BCAS3: variants seen among roughly 807,000 people sequenced by gnomAD.
BCAS3 encodes the protein BCAS4/BCAS3 fusion.
In BCAS3, 53 loss-of-function variants were observed where a neutral mutation model predicts 116.1. The observed-to-expected ratio is 0.46, with a 90% CI of 0.37 to 0.57. The LOEUF (loss-of-function observed/expected upper bound fraction) is 0.57, where lower values mean the gene tolerates loss of function less well. Ranked by LOEUF, BCAS3 falls within the 20% of genes least tolerant of loss-of-function variation. The probability of loss-of-function intolerance (pLI) is 0.00; values close to 1 mark genes in which losing one functional copy is unlikely to be tolerated. For synonymous variants in BCAS3, 391 were observed against 408.2 expected (o/e 0.96, Z 0.51); for missense variants, 917 against 1,165.4 (o/e 0.79, Z 3.10).
intron 10 of BCAS3, among the ~76,000 whole-genome samples, chr17:60,896,000 CTATA>C (rs1291800313): frequency 1.3e-5 from 2 of 152,168 alleles, no homozygotes; most frequent in Non-Finnish European, 2.9e-5. Flanking sequence ...ATAGAATGCT[CTATA>C]AGAGTCTATT....
At chr17:60,859,914 A>G (rs142635319) in intron 7 of BCAS3, among the ~76,000 whole-genome samples, 2 of 152,234 alleles carry the variant, frequency 1.3e-5, no homozygotes, top group East Asian at 3.9e-4. Flanking sequence ...ATGGGCATCT[A>G]GGTTGATTCC....
chr17:60,841,366 T>C (rs2051885827), intron 7 of BCAS3, among the ~76,000 whole-genome samples: 1 of 151,534 alleles, frequency 6.6e-6, no homozygotes, highest in South Asian at 2.1e-4. Context: ...TAGAACAACA[T>C]TTATCTTCTC....
rs762149532 is a variant in BCAS3 at position 61,087,324 on chromosome 17, A to G, written c.2425+2760A>G. 1.8e-6 allele frequency: 1 copy of G among 548,792 alleles called. No homozygotes were observed. The highest frequency in any genetic ancestry group is 2.3e-6 in the Non-Finnish European group (1 of 431,264). 34.0% of individuals were successfully genotyped at this position (548,792 alleles called of 1,614,324 possible). On this transcript the variant is annotated intron_variant, in intron 22 of 23. Transcript: ENST00000407086. The surrounding 1 kb of genome is among the most constrained non-coding windows in gnomAD (Gnocchi z 4.6). ...TATGACTTCATGGATTATCTTCTTA[A>G]TTATTCCTATGGCACATGTTACACC...
At chr17:61,295,374 T>C (rs2052793448) in intron 22 of BCAS3, among the ~76,000 whole-genome samples, 1 of 152,192 alleles carries the variant, frequency 6.6e-6, no homozygotes, top group Non-Finnish European at 1.5e-5. Context: ...GCAGCCTGGC[T>C]CCTGGGGAGG....
chr17:61,074,875 C>G, intron 19 of BCAS3, 45 bp from the exon 20 acceptor site: 2 of 1,384,816 alleles, frequency 1.4e-6, no homozygotes, highest in Non-Finnish European at 2.0e-6. Context: ...TGTTTTTCCA[C>G]TGCATGGAAT....
chr17:60,690,395 C>G (rs764953214), intron 4 of BCAS3, among the ~76,000 whole-genome samples: 3 of 151,852 alleles, frequency 2.0e-5, no homozygotes, highest in Non-Finnish European at 4.4e-5. Context: ...CATAGCGCGA[C>G]CTTGTCTCTA....
intron 3 of BCAS3, among the ~76,000 whole-genome samples, chr17:60,685,162 A>G (rs1251561983): frequency 6.6e-6 from 1 of 152,204 alleles, no homozygotes; most frequent in African/African-American, 2.4e-5. Flanking sequence ...AGAGTAGCTT[A>G]GTGATTAAGA....
Position 61,141,490 on chromosome 17 carries a change from C to T in BCAS3, c.2425+56926C>T, listed in dbSNP as rs967283186. Among the ~76,000 whole-genome samples the T allele has an allele frequency of 2.0e-5, 3 of 152,008 alleles. No homozygotes were observed. The highest frequency in any genetic ancestry group is 7.2e-5 in the African/African-American group (3 of 41,380). On this transcript the variant is annotated intron_variant, in intron 22 of 23. Transcript: ENST00000407086. This position sits in a 1 kb window ranked among gnomAD's most constrained non-coding sequence, Gnocchi z 4.3. Reference sequence around the variant, plus strand: ...GAAGGATTCCTTGAGTCCAGGAGTTCGAGACTGCAGTGAGTTATGATCACA... The same window carrying T: ...GAAGGATTCCTTGAGTCCAGGAGTTTGAGACTGCAGTGAGTTATGATCACA...
chr17:60,875,976 T>C (rs1567766575), intron 9 of BCAS3, among the ~76,000 whole-genome samples: 1 of 152,008 alleles, frequency 6.6e-6, no homozygotes, highest in Non-Finnish European at 1.5e-5. Context: ...GCAGACATTA[T>C]AGAATTTAAT....
intron 22 of BCAS3, among the ~76,000 whole-genome samples, chr17:61,334,525 C>T (rs1009830133): frequency 7.9e-5 from 12 of 151,890 alleles, no homozygotes; most frequent in Admixed American, 1.3e-4. Context: ...ATTAGCTGGG[C>T]GTGGTGGCCC....
chr17:60,850,345 GT>G (rs10573405), intron 7 of BCAS3, among the ~76,000 whole-genome samples: 108 of 37,722 alleles, frequency 2.9e-3, no homozygotes, highest in African/African-American at 0.01. Context: ...TGGCACCACT[GT>G]TTTTTTTTTT....
At position 61,300,127 on chromosome 17, in the gene BCAS3, C is replaced by T. The variant is rs1157544310; in HGVS notation, c.2426-68200C>T. On this transcript the variant is annotated intron_variant, in intron 22 of 23. Transcript: ENST00000407086. The surrounding 1 kb of genome is among the most constrained non-coding windows in gnomAD (Gnocchi z 5.1). ...CTAGGCAGAAGGTGCTTTCTCCTCACGTTACATTTTGCTGTTGCATTATTA... is the reference window on the plus strand; with the variant it reads ...CTAGGCAGAAGGTGCTTTCTCCTCATGTTACATTTTGCTGTTGCATTATTA... 6.6e-6 allele frequency among the ~76,000 whole-genome samples: 1 copy of T among 152,142 alleles called. No individual in the cohort carries two copies. The highest frequency in any genetic ancestry group is 2.4e-5 in the African/African-American group (1 of 41,426).
rs924775497 is a variant in BCAS3, at chr17:61,037,678, G to A, written c.1763-211G>A. On this transcript the variant is annotated intron_variant, in intron 17 of 23. Transcript: ENST00000407086. This position sits in a 1 kb window ranked among gnomAD's most constrained non-coding sequence, Gnocchi z 4.7. Reference sequence around the variant, plus strand: ...TCCCAGCTACTCAAGAGGCTGAGGCGGGAGAACCATTTGAACCAGGGAGGC... The same window carrying A: ...TCCCAGCTACTCAAGAGGCTGAGGCAGGAGAACCATTTGAACCAGGGAGGC... Among the ~76,000 whole-genome samples the A allele has an allele frequency of 2.2e-4, 34 of 152,178 alleles. No homozygotes were observed. The highest frequency in any genetic ancestry group is 1.2e-3 in the Admixed American group (19 of 15,292).
At chr17:60,686,594 C>G (rs553106161) in intron 3 of BCAS3, among the ~76,000 whole-genome samples, 1 of 151,876 alleles carries the variant, frequency 6.6e-6, no homozygotes, top group African/African-American at 2.4e-5. Context: ...GGCATAATCT[C>G]GGCTCACTGC....
In BCAS3 at chr17:60,790,195, C is replaced by A. The variant is rs2046640036; in HGVS notation, c.404-17809C>A. On this transcript the variant is annotated intron_variant, in intron 6 of 23. Coordinates refer to ENST00000407086, the MANE Select transcript of BCAS3 (RefSeq NM_017679.5). ...GATCTAGAGAGCAAAGTTTGCTGGACTGATATACTTCAGTAGGTTAGTGAA... is the reference window on the plus strand; with the variant it reads ...GATCTAGAGAGCAAAGTTTGCTGGAATGATATACTTCAGTAGGTTAGTGAA... 3.3e-5 allele frequency among the ~76,000 whole-genome samples: 5 copies of A among 152,246 alleles called. No individual in the cohort carries two copies. The South Asian group carries it at 1.0e-3, about 32-fold the overall frequency.
rs1053492157 is a variant in BCAS3 at position 61,056,895 on chromosome 17, G to A, written c.2029+16003G>A. ...TTGTTAGAACTCTCTCCATGACAAG[G>A]ATTAATATATTAACTGGATTATAGC... On this transcript the variant is annotated intron_variant, in intron 19 of 23. Coordinates refer to ENST00000407086, the MANE Select transcript of BCAS3 (RefSeq NM_017679.5). This position sits in a 1 kb window ranked among gnomAD's most constrained non-coding sequence, Gnocchi z 4.9. Among the ~76,000 whole-genome samples the A allele has an allele frequency of 1.3e-5, 2 of 152,252 alleles. No homozygotes were observed. Among genetic ancestry groups the A allele is most frequent in the East Asian group, 3.9e-4 (2 of 5,178 alleles).
intron 7 of BCAS3, among the ~76,000 whole-genome samples, chr17:60,844,429 G>A (rs768684677): frequency 2.0e-5 from 3 of 152,166 alleles, no homozygotes; most frequent in Non-Finnish European, 4.4e-5. Flanking sequence ...ACCCATTTTA[G>A]ATGAGGTGTT....
At chr17:61,334,629 A>C (rs1437865312) in intron 22 of BCAS3, among the ~76,000 whole-genome samples, 1 of 133,548 alleles carries the variant, frequency 7.5e-6, no homozygotes, top group African/African-American at 2.9e-5. Flanking sequence ...GCACCATTGC[A>C]CTCCAGCCTA....
chr17:61,006,419 GT>G (rs929570970), intron 15 of BCAS3, among the ~76,000 whole-genome samples: 2 of 152,002 alleles, frequency 1.3e-5, no homozygotes, highest in Admixed American at 1.3e-4. Context: ...CATCTTGTAT[GT>G]TTAGCAGTTT....
Sources: allele counts gnomAD v4.1 joint callset (sites outside exome capture counted in the v4.1 genomes callset), GRCh38; gene constraint gnomAD v4.1.1; non-coding constraint Gnocchi (gnomAD v3.1); transcripts MANE v1.5; gene names NCBI Gene and HGNC (gene_info 2026-07-23, HGNC 2026-07-21).